GLI3: variants seen among roughly 807,000 people sequenced by gnomAD.
The protein encoded by GLI3 is GLI family zinc finger 3, also known as transcription activator GLI3.
Under a neutral mutation model 100.8 loss-of-function variants are expected in GLI3, and 20 were observed. The observed-to-expected ratio is 0.20, with a 90% CI of 0.14 to 0.29. The LOEUF is 0.29. Ranked by LOEUF, GLI3 falls within the 10% of genes least tolerant of loss-of-function variation. The probability of loss-of-function intolerance (pLI) is 1.00; values close to 1 mark genes in which losing one functional copy is unlikely to be tolerated. For missense variants in GLI3, 2,040 were observed against 2,128.5 expected (o/e 0.96, Z 0.82); for synonymous variants, 938 against 860.5 (o/e 1.09, Z -1.58).
chr7:42,117,400 C>T (rs1785886604), intron 3 of GLI3, among the ~76,000 whole-genome samples: 1 of 152,156 alleles, frequency 6.6e-6, no homozygotes. Flanking sequence ...ACATGTTTTA[C>T]ATGTTGCAGT....
rs746960838 is a variant in GLI3, at chr7:41,965,702, T to A, written c.3371A>T (p.His1124Leu). 4 of 1,613,430 alleles carry A rather than the reference T, an allele frequency of 2.5e-6. No homozygotes were observed. The highest frequency in any genetic ancestry group is 3.4e-6 in the Non-Finnish European group (4 of 1,179,834). Residue 1124 changes from histidine (H) to leucine (L), a missense_variant, in exon 15 of 15, where the codon CAC becomes CTC. By Grantham distance (99) the His-to-Leu change is moderately conservative (BLOSUM62 -3). This residue lies in a region of GLI3 where 1,041 missense variants were observed against 924.0 expected (regional missense o/e 1.13). Coordinates refer to ENST00000395925, the MANE Select transcript of GLI3 (RefSeq NM_000168.6). ...GGGCGCGTCAAAGTCACCGGGCCCGTGGGGCACTTTGCTGTCGTCCGGGAG... is the reference window on the plus strand; with the variant it reads ...GGGCGCGTCAAAGTCACCGGGCCCGAGGGGCACTTTGCTGTCGTCCGGGAG... The part of the protein sequence containing the change: ...SALPDDSKVP[H>L]GPGDFDAPGL...
chr7:42,089,614 C>T (rs1403461061), intron 3 of GLI3, among the ~76,000 whole-genome samples: 2 of 152,244 alleles, frequency 1.3e-5, no homozygotes, highest in Non-Finnish European at 2.9e-5. Flanking sequence ...TGGCTGGGTA[C>T]ACCCTTCCCA....
At chr7:42,044,111 G>T (rs1357174349) in intron 6 of GLI3, among the ~76,000 whole-genome samples, 3 of 152,146 alleles carry the variant, frequency 2.0e-5, no homozygotes, top group Non-Finnish European at 4.4e-5. Context: ...TTTTACCCCT[G>T]TATGAAATAA....
At position 41,966,567 on chromosome 7, in the gene GLI3, C is replaced by A. The variant is rs766814938; in HGVS notation, c.2506G>T (p.Val836Leu). The A allele has an allele frequency of 6.2e-6, 10 of 1,614,060 alleles. No individual in the cohort carries two copies. The South Asian group carries it at 1.1e-4, about 18-fold the overall frequency. ...LLPGRSDLSG[V>L]DVTMLNMLNR... ...AGCATGTTCAGCATAGTGACGTCCA[C>A]CCCAGAGAGGTCGCTTCTGCCCGGG... The change falls in exon 15 of 15, where the codon GTG becomes TTG. Residue 836 changes from valine to leucine, a missense_variant. By Grantham distance (32) the Val-to-Leu change is conservative. Coordinates refer to ENST00000395925, the MANE Select transcript of GLI3 (RefSeq NM_000168.6). This position sits in a 1 kb window ranked among gnomAD's most constrained non-coding sequence, Gnocchi z 5.8.
intron 3 of GLI3, among the ~76,000 whole-genome samples, chr7:42,134,902 A>G (rs988725975): frequency 1.2e-4 from 19 of 152,126 alleles, no homozygotes; most frequent in Admixed American, 1.2e-3. Context: ...AAGAAAACGC[A>G]GCATCGGCAT....
intron 2 of GLI3, among the ~76,000 whole-genome samples, chr7:42,163,766 G>A (rs900320227): frequency 4.6e-5 from 7 of 152,000 alleles, no homozygotes; most frequent in Non-Finnish European, 8.8e-5. Flanking sequence ...CACAACCACT[G>A]GGCACATCAT....
At chr7:42,228,755 A>G (rs1583663556) in intron 1 of GLI3, among the ~76,000 whole-genome samples, 1 of 152,182 alleles carries the variant, frequency 6.6e-6, no homozygotes, top group Admixed American at 6.5e-5. Flanking sequence ...TTCACCTTCT[A>G]TGAACCTGGC....
At chr7:42,165,480 T>C (rs2128673313) in intron 2 of GLI3, among the ~76,000 whole-genome samples, 1 of 152,298 alleles carries the variant, frequency 6.6e-6, no homozygotes, top group South Asian at 2.1e-4. Flanking sequence ...ATGGAAACAT[T>C]TTTCCACATG....
Position 41,966,111 on chromosome 7 carries a change from C to A in GLI3, c.2962G>T (p.Gly988Trp). The A allele has an allele frequency of 6.3e-7, 1 of 1,575,826 alleles. No homozygotes were observed. The highest frequency in any genetic ancestry group is 8.6e-7 in the Non-Finnish European group (1 of 1,166,584). ...TCGTGCGGCTGCAGGTGGCGCCGCC[C>A]GTAGCCGTGGGCTCCCCCGTCGCTG... The part of the protein sequence containing the change: ...RCSDGGAHGY[G>W]RRHLQPHDAP... Residue 988 changes from glycine to tryptophan, a missense_variant, in exon 15 of 15, where the codon GGG becomes TGG. Around this residue, in one of 5 missense-constraint regions of GLI3, gnomAD observed 1,041 missense variants for 924.0 expected, o/e 1.13. Coordinates refer to ENST00000395925, the MANE Select transcript of GLI3 (RefSeq NM_000168.6). The surrounding 1 kb of genome is among the most constrained non-coding windows in gnomAD (Gnocchi z 5.8).
At chr7:42,157,750 T>A (rs957398069) in intron 2 of GLI3, among the ~76,000 whole-genome samples, 2 of 152,226 alleles carry the variant, frequency 1.3e-5, no homozygotes, top group Admixed American at 1.3e-4. Flanking sequence ...TTACTATAAT[T>A]ATCTAAAGAA....
chr7:42,148,055 A>G (rs551407916), intron 3 of GLI3, among the ~76,000 whole-genome samples, 171 bp downstream of exon 3: 4 of 152,088 alleles, frequency 2.6e-5, no homozygotes, highest in Non-Finnish European at 5.9e-5. Context: ...AATGGGAAAG[A>G]AGTAGGGAAA....
chr7:42,246,805 C>CTATT (rs1332970657), intron 1 of GLI3, among the ~76,000 whole-genome samples: 8 of 94,972 alleles, frequency 8.4e-5, no homozygotes, highest in African/African-American at 3.5e-4. Flanking sequence ...ATGATAGAAT[C>CTATT]TTTTTTTTTT....
chr7:42,193,027 C>T (rs1304759960), intron 2 of GLI3, among the ~76,000 whole-genome samples: 1 of 152,094 alleles, frequency 6.6e-6, no homozygotes, highest in Non-Finnish European at 1.5e-5. Flanking sequence ...ATGGCCCCAG[C>T]AAGTTTAGGG....
At chr7:42,169,787 G>A (rs868725378) in intron 2 of GLI3, among the ~76,000 whole-genome samples, 2 of 152,044 alleles carry the variant, frequency 1.3e-5, no homozygotes, top group Middle Eastern at 3.4e-3. Context: ...GAAAAGAACA[G>A]GAAGCAAATG....
At chr7:42,176,858 C>T (rs763351102) in intron 2 of GLI3, among the ~76,000 whole-genome samples, 16 of 152,158 alleles carry the variant, frequency 1.1e-4, no homozygotes, top group Non-Finnish European at 2.2e-4. Context: ...AGCACAGGAT[C>T]GCTTCCCTCT....
chr7:41,966,731 G>GGTT lies in GLI3; in HGVS notation c.2432-91_2432-90insAAC. ...GCATGAGCAACCCTTTTCTGTAAAG[G>GGTT]GCCAGCTAGGAACTATTTCTGGTGT... is the stretch of plus-strand genomic sequence containing the variant. On this transcript the variant is annotated intron_variant, in intron 14 of 14. Transcript: ENST00000395925. The surrounding 1 kb of genome is among the most constrained non-coding windows in gnomAD (Gnocchi z 5.8). The GGTT allele has an allele frequency of 3.0e-6, 4 of 1,316,786 alleles. No individual in the cohort carries two copies. The highest frequency in any genetic ancestry group is 4.3e-6 in the Non-Finnish European group (4 of 921,244). 81.6% of individuals were successfully genotyped at this position (1,316,786 alleles called of 1,614,324 possible).
Position 41,972,669 on chromosome 7 carries a change from A to T in GLI3, c.1813-42T>A. 1 of 1,546,854 alleles carries T rather than the reference A, an allele frequency of 6.5e-7. No individual in the cohort carries two copies. Among genetic ancestry groups the T allele is most frequent in the Non-Finnish European group, 8.8e-7 (1 of 1,132,634 alleles). On this transcript the variant is annotated intron_variant, in intron 12 of 14. Transcript: ENST00000395925. This position sits in a 1 kb window ranked among gnomAD's most constrained non-coding sequence, Gnocchi z 4.4. ...GAACGAGGTAAGAGATTGTTATGAA[A>T]GAGACTATGCCCCAGCCCAAAAGTC... is the stretch of plus-strand genomic sequence containing the variant.
chr7:42,242,343 T>C (rs1201364193), upstream of GLI3, among the ~76,000 whole-genome samples: 1 of 152,208 alleles, frequency 6.6e-6, no homozygotes, highest in African/African-American at 2.4e-5. Context: ...TTTACATAAC[T>C]TGCCTCACTC....
intron 3 of GLI3, among the ~76,000 whole-genome samples, chr7:42,085,490 T>A (rs1785084887): frequency 6.6e-6 from 1 of 152,240 alleles, no homozygotes; most frequent in Admixed American, 6.5e-5. Context: ...TCTTGTTTCT[T>A]CTTAAGTTCT....
Sources: gnomAD v4.1 joint callset for allele counts (sites outside exome capture counted in the v4.1 genomes callset) on GRCh38, gnomAD v4.1.1 for gene constraint, gnomAD v4.1.1 regional missense constraint, Gnocchi (gnomAD v3.1) non-coding constraint, MANE v1.5 for transcripts, NCBI Gene and HGNC (gene_info 2026-07-23, HGNC 2026-07-21) for gene names.